WNK3: variants seen among roughly 807,000 people sequenced by gnomAD.
WNK3 encodes WNK lysine deficient protein kinase 3, also known as serine/threonine-protein kinase WNK3.
WNK3 carries 18 observed loss-of-function variants against 116.7 expected under a neutral mutation model. That is an observed-to-expected ratio of 0.15 (90% CI 0.11 to 0.23). The LOEUF is 0.23. Ranked by LOEUF, WNK3 falls within the 10% of genes least tolerant of loss-of-function variation. The pLI is 1.00. For missense variants in WNK3, 993 were observed against 1,323.8 expected, an observed-to-expected ratio of 0.75 and a Z score of 3.88; for synonymous variants, 404 against 469.4, an observed-to-expected ratio of 0.86 and a Z score of 1.80.
chrX:54,257,245 C>A (rs1042856096), intron 11 of WNK3, among the ~76,000 whole-genome samples: 28 of 110,598 alleles, frequency 2.5e-4, no homozygotes, highest in African/African-American at 9.2e-4. Flanking sequence ...TAGGCCCTGT[C>A]CTTCCCCAGT....
intron 22 of WNK3, among the ~76,000 whole-genome samples, chrX:54,202,554 G>C (rs1206077614): frequency 1.8e-5 from 2 of 110,043 alleles, no homozygotes; most frequent in Non-Finnish European, 3.8e-5. Flanking sequence ...AGCCAGGCAT[G>C]GTGGTGGACG....
chrX:54,267,368 C>T (rs782564031), intron 10 of WNK3, among the ~76,000 whole-genome samples: 1 of 110,404 alleles, frequency 9.1e-6, no homozygotes, highest in South Asian at 4.0e-4. Context: ...ATCCCCAGGC[C>T]TAAAATATCT....
chrX:54,255,474 A>G (rs1461737404), intron 12 of WNK3, among the ~76,000 whole-genome samples: 1 of 112,237 alleles, frequency 8.9e-6, no homozygotes, highest in Non-Finnish European at 1.9e-5. Context: ...CTACATGTAC[A>G]TACAGGAAAA....
At chrX:54,323,414 C>T (rs1013568635) in intron 2 of WNK3, among the ~76,000 whole-genome samples, 1 of 111,052 alleles carries the variant, frequency 9.0e-6, no homozygotes, top group Non-Finnish European at 1.9e-5. Flanking sequence ...AATCCCAGCA[C>T]TTTGGGAGGC....
rs186797263 is a variant in WNK3 at position 54,209,629 on chromosome X, C to A, written c.4871-7436G>T. ...GCAGTGGCGTGATCTCAGCTCACTGCAACCTCCGCCTCCTGGATTTAAGCT... is the reference window on the plus strand; with the variant it reads ...GCAGTGGCGTGATCTCAGCTCACTGAAACCTCCGCCTCCTGGATTTAAGCT... On this transcript the variant is annotated intron_variant, in intron 22 of 23. Coordinates refer to ENST00000354646, the Ensembl canonical transcript of WNK3. Among the ~76,000 whole-genome samples the A allele has an allele frequency of 8.6e-3, 809 of 94,192 alleles. 44 individuals carry two copies. In the Admixed American group the frequency reaches 0.089, roughly 10 times the overall value. 81.8% of individuals were successfully genotyped at this position (94,192 alleles called of 115,157 possible). A position where few individuals can be genotyped will look rare whatever the true frequency, so the allele number is the denominator to read the frequency against.
intron 5 of WNK3, among the ~76,000 whole-genome samples, chrX:54,306,292 T>G (rs1297263547): frequency 4.5e-5 from 5 of 111,359 alleles, no homozygotes; most frequent in Non-Finnish European, 9.4e-5. Context: ...TTCTACTTCT[T>G]GGTACATACC....
chrX:54,349,518 T>A (rs2069483653), intron 1 of WNK3, among the ~76,000 whole-genome samples: 1 of 111,527 alleles, frequency 9.0e-6, no homozygotes, highest in Non-Finnish European at 1.9e-5. Flanking sequence ...AAAGACCCAA[T>A]ATCAACATCT....
Position 54,255,731 on chromosome X carries a change from C to T in WNK3, c.2250+9G>A, listed in dbSNP as rs184934244. 3.2e-5 allele frequency: 39 copies of T among 1,202,112 alleles called. No homozygotes were observed. The African/African-American group carries it at 5.8e-4, about 18-fold the overall frequency. On this transcript the variant is annotated intron_variant, in intron 12 of 23. Coordinates refer to ENST00000354646, the Ensembl canonical transcript of WNK3. ...TGTACTCTTAACCAAACCATATTTACAAACTGACCTGAAGGACGGTAAGCT... is the reference window on the plus strand; with the variant it reads ...TGTACTCTTAACCAAACCATATTTATAAACTGACCTGAAGGACGGTAAGCT...
chrX:54,293,201 T>A lies in WNK3; in HGVS notation c.1820A>T (p.Glu607Val). ...ATAAATTTGCCCTGGAACATTTACT[T>A]CAGCCTGCGGGATATTAGAAACCAT... Residue 607 changes from glutamate (E) to valine (V), a missense_variant, in exon 9 of 24, where the codon GAA becomes GTA. Transcript: ENST00000354646. 1 of 1,210,743 alleles carries A rather than the reference T, an allele frequency of 8.3e-7. No homozygotes were observed. Among genetic ancestry groups the A allele is most frequent in the South Asian group, 1.8e-5 (1 of 56,655 alleles).
chrX:54,334,370 T>C (rs2069208008), intron 1 of WNK3, among the ~76,000 whole-genome samples: 2 of 111,539 alleles, frequency 1.8e-5, no homozygotes, highest in South Asian at 7.6e-4. Context: ...TAAACAATGA[T>C]TCCCTATCAG....
intron 7 of WNK3, 120 bp from the exon 8 acceptor site, chrX:54,294,967 G>T (rs897685848): frequency 2.2e-4 from 119 of 542,525 alleles, no homozygotes; most frequent in South Asian, 1.1e-3. Flanking sequence ...GCATGATCTC[G>T]GCTCACTGCA....
At chrX:54,349,974 A>G (rs2147338540) in intron 1 of WNK3, among the ~76,000 whole-genome samples, 1 of 112,466 alleles carries the variant, frequency 8.9e-6, no homozygotes, top group African/African-American at 3.2e-5. Context: ...AATGCAGTCT[A>G]TGGTAAAAAT....
At chrX:54,345,643 G>A (rs782060614) in intron 1 of WNK3, among the ~76,000 whole-genome samples, 3 of 108,848 alleles carry the variant, frequency 2.8e-5, no homozygotes, top group Non-Finnish European at 3.8e-5. Flanking sequence ...AAAATTAGCC[G>A]GACATGGTGG....
rs1489196346 is a variant in WNK3, at chrX:54,213,565, CAAACA to C, written c.4871-11377_4871-11373del. On this transcript the variant is annotated intron_variant, in intron 22 of 23. Transcript: ENST00000354646. ...TGAGACTCCGTCTCAAAAAAAAAAA[CAAACA>C]AAAAAAAAAAAACTAGGGGAAAAAA... Among the ~76,000 whole-genome samples, 26 of 25,333 alleles carry C rather than the reference CAAACA, an allele frequency of 1.0e-3. No individual in the cohort carries two copies. The East Asian group carries it at 0.02, about 20-fold the overall frequency. 22.0% of individuals were successfully genotyped at this position (25,333 alleles called of 115,157 possible).
chrX:54,336,010 C>T (rs1557175290), intron 1 of WNK3, among the ~76,000 whole-genome samples: 1 of 112,177 alleles, frequency 8.9e-6, no homozygotes, highest in Non-Finnish European at 1.9e-5. Flanking sequence ...ACAAGAATAG[C>T]CGGGTGCAGT....
At chrX:54,293,375 A>G (rs781887727) in intron 8 of WNK3, 48 bp from the exon 9 acceptor site, 4 of 1,050,830 alleles carry the variant, frequency 3.8e-6, no homozygotes, top group Non-Finnish European at 5.1e-6. Flanking sequence ...AACTTGAAGC[A>G]CAAAATGTCC....
chrX:54,315,573 T>C (rs1399050272), intron 2 of WNK3, among the ~76,000 whole-genome samples: 1 of 111,744 alleles, frequency 8.9e-6, no homozygotes, highest in African/African-American at 3.2e-5. Flanking sequence ...TTGGATGGTG[T>C]AGCCTTTTCC....
exon 24 of WNK3, chrX:54,196,210 C>T (rs1339735093): frequency 9.0e-6 from 1 of 110,614 alleles, no homozygotes; most frequent in Non-Finnish European, 1.9e-5. Flanking sequence ...AACTGCAAAC[C>T]AATACTGTAC....
At position 54,249,608 on chromosome X, in the gene WNK3, T is replaced by C. The variant is rs782257900; in HGVS notation, c.2740A>G (p.Ile914Val). Residue 914 changes from isoleucine (I) to valine (V), a missense_variant, in exon 17 of 24, where the codon ATA becomes GTA. Physicochemically the swap from Ile to Val is conservative, Grantham distance 29. Coordinates refer to ENST00000354646, the Ensembl canonical transcript of WNK3. ...ATAGTGAGCAATGTGTCCCGTGATATTTCCTTATTACTTGTGTTTTTTGGA... is the reference window on the plus strand; with the variant it reads ...ATAGTGAGCAATGTGTCCCGTGATACTTCCTTATTACTTGTGTTTTTTGGA... 4.6e-5 allele frequency: 55 copies of C among 1,207,766 alleles called. No homozygotes were observed. In the South Asian group the frequency reaches 9.2e-4, roughly 20 times the overall value.
Sources: allele counts gnomAD v4.1 joint callset (sites outside exome capture counted in the v4.1 genomes callset), GRCh38; gene constraint gnomAD v4.1.1; transcripts MANE v1.5; gene names NCBI Gene and HGNC (gene_info 2026-07-23, HGNC 2026-07-21).